TTC39B: variants seen among roughly 807,000 people sequenced by gnomAD.
TTC39B encodes the protein tetratricopeptide repeat domain 39B.
Under a neutral mutation model 96.6 loss-of-function variants are expected in TTC39B, and 92 were observed. The ratio of observed to expected loss-of-function variants is 0.95; its 90% CI spans 0.80 to 1.13. The LOEUF is 1.13. TTC39B is among the 50% of genes most tolerant of loss of function. The pLI, the probability that TTC39B is intolerant of heterozygous loss-of-function variation, is 0.00. For synonymous variants in TTC39B, 367 were observed against 299.4 expected, an observed-to-expected ratio of 1.23 and a Z score of -2.33; for missense variants, 955 against 809.3, an observed-to-expected ratio of 1.18 and a Z score of -2.18.
intron 7 of TTC39B, among the ~76,000 whole-genome samples, chr9:15,202,170 T>C (rs1411999881): frequency 2.6e-5 from 4 of 152,064 alleles, no homozygotes; most frequent in African/African-American, 4.8e-5. Flanking sequence ...TCCCCAAATA[T>C]AAAATAAGCC....
intron 3 of TTC39B, among the ~76,000 whole-genome samples, chr9:15,219,080 A>C (rs1299364747): frequency 6.6e-6 from 1 of 152,200 alleles, no homozygotes; most frequent in Non-Finnish European, 1.5e-5. Flanking sequence ...ATTTTGAAAC[A>C]TAAAAGTAGT....
chr9:15,194,973 A>G (rs1045881297), intron 8 of TTC39B, among the ~76,000 whole-genome samples: 6 of 152,228 alleles, frequency 3.9e-5, no homozygotes, highest in Admixed American at 6.5e-5. Flanking sequence ...AGCGAAAGGA[A>G]GATTCGCACC....
chr9:15,185,518 C>T, intron 15 of TTC39B, 112 bp from the exon 16 acceptor site: 2 of 1,509,734 alleles, frequency 1.3e-6, no homozygotes, highest in Non-Finnish European at 1.8e-6. Flanking sequence ...GCAGCAGCAT[C>T]ACCTGGGAAC....
At chr9:15,188,168 A>G in intron 13 of TTC39B, 36 bp from the exon 14 acceptor site, 2 of 1,544,540 alleles carry the variant, frequency 1.3e-6, no homozygotes, top group Non-Finnish European at 1.7e-6. Context: ...TCGTCCAGAT[A>G]TTAGACAAGG....
intron 17 of TTC39B, among the ~76,000 whole-genome samples, chr9:15,178,914 C>T (rs1305355792): frequency 1.3e-5 from 2 of 152,188 alleles, no homozygotes; most frequent in Non-Finnish European, 2.9e-5. Context: ...ATTATGTTTA[C>T]AACTTATCAA....
chr9:15,218,635 A>AAAATATGTATATATAT (rs374054306), intron 3 of TTC39B, among the ~76,000 whole-genome samples: 1 of 149,448 alleles, frequency 6.7e-6, no homozygotes, highest in Non-Finnish European at 1.5e-5. Context: ...GTCTATTTTA[A>AAAATATGTATATATAT]ATATATATAT....
intron 14 of TTC39B, 81 bp from the exon 15 acceptor site, chr9:15,187,116 A>G (rs1196010230): frequency 3.1e-5 from 30 of 972,980 alleles, no homozygotes; most frequent in Non-Finnish European, 2.6e-5. Context: ...ATGACCAACA[A>G]GTCTTCCAGA....
intron 1 of TTC39B, among the ~76,000 whole-genome samples, chr9:15,273,094 C>T (rs780968748): frequency 3.3e-5 from 5 of 152,194 alleles, no homozygotes; most frequent in Non-Finnish European, 7.3e-5. Context: ...AGCAAAAATG[C>T]ATGCAAGAAC....
At chr9:15,266,341 T>C (rs531425534) in intron 2 of TTC39B, among the ~76,000 whole-genome samples, 7 of 152,090 alleles carry the variant, frequency 4.6e-5, no homozygotes, top group African/African-American at 7.2e-5. Flanking sequence ...GGAGGAAATA[T>C]CTATAGCAAA....
At chr9:15,178,210 T>C (rs1207162860) in intron 17 of TTC39B, among the ~76,000 whole-genome samples, 1 of 152,068 alleles carries the variant, frequency 6.6e-6, no homozygotes, top group Non-Finnish European at 1.5e-5. Context: ...TTCAGAGGGA[T>C]CATTTACAAA....
At chr9:15,199,768 A>T (rs909750796) in intron 8 of TTC39B, 93 bp downstream of exon 8, 2 of 375,228 alleles carry the variant, frequency 5.3e-6, no homozygotes, top group South Asian at 3.3e-5. Flanking sequence ...AAAAAAAAAA[A>T]TCCTAGTCAA....
At chr9:15,199,802 G>T in intron 8 of TTC39B, 59 bp downstream of exon 8, 1 of 446,414 alleles carries the variant, frequency 2.2e-6, no homozygotes, top group Non-Finnish European at 3.8e-6. Context: ...GAACTGTGAA[G>T]AACAAAGGAG....
chr9:15,266,796 C>G (rs1823148042), intron 2 of TTC39B, among the ~76,000 whole-genome samples: 1 of 152,048 alleles, frequency 6.6e-6, no homozygotes, highest in African/African-American at 2.4e-5. Context: ...GAAAGGACAT[C>G]AGGCAGGGCG....
intron 2 of TTC39B, chr9:15,249,961 A>G: frequency 7.8e-7 from 1 of 1,288,396 alleles, no homozygotes. Flanking sequence ...ATATAGTCCC[A>G]CTATGAAGAT....
At chr9:15,208,059 T>C (rs1819978440) in intron 6 of TTC39B, among the ~76,000 whole-genome samples, 1 of 150,982 alleles carries the variant, frequency 6.6e-6, no homozygotes, top group Admixed American at 6.6e-5. Context: ...AGACAGAGTA[T>C]TACTCTGTCA....
intron 6 of TTC39B, among the ~76,000 whole-genome samples, chr9:15,204,269 C>T (rs1181762025): frequency 6.6e-6 from 1 of 152,138 alleles, no homozygotes; most frequent in Non-Finnish European, 1.5e-5. Flanking sequence ...TGGTTTACGC[C>T]TGTAATCCCA....
intron 2 of TTC39B, among the ~76,000 whole-genome samples, chr9:15,241,802 G>C (rs186683081): frequency 2.0e-5 from 3 of 146,494 alleles, no homozygotes; most frequent in South Asian, 2.1e-4. Context: ...GAGTGCAGTA[G>C]TGGGATCTCA....
chr9:15,260,705 A>T (rs1175741965), intron 2 of TTC39B, among the ~76,000 whole-genome samples: 3 of 152,208 alleles, frequency 2.0e-5, no homozygotes, highest in Non-Finnish European at 2.9e-5. Context: ...AGAAGGAAAA[A>T]GTTTGTGAGA....
At chr9:15,297,883 G>C (rs1824438403) in intron 1 of TTC39B, among the ~76,000 whole-genome samples, 1 of 152,080 alleles carries the variant, frequency 6.6e-6, no homozygotes, top group Non-Finnish European at 1.5e-5. Context: ...GTTAATTTTA[G>C]GTGTCAAGTT....
Sources: gnomAD v4.1 joint callset for allele counts (sites outside exome capture counted in the v4.1 genomes callset) on GRCh38, gnomAD v4.1.1 for gene constraint, MANE v1.5 for transcripts, NCBI Gene and HGNC (gene_info 2026-07-23, HGNC 2026-07-21) for gene names.